The following MAML3 variants were observed in gnomAD, a reference collection of about 807,000 sequenced individuals.
The protein encoded by MAML3 is mastermind-like protein 3.
In MAML3, 27 loss-of-function variants were observed where a neutral mutation model predicts 101.9. That is an observed-to-expected ratio of 0.27 (90% CI 0.20 to 0.37). MAML3 has a LOEUF of 0.37. Ranked by LOEUF, MAML3 falls within the 10% of genes least tolerant of loss-of-function variation. The pLI, the probability that MAML3 is intolerant of heterozygous loss-of-function variation, is 1.00. For missense variants in MAML3, 1,316 were observed against 1,444.9 expected (o/e 0.91, Z 1.45); for synonymous variants, 501 against 555.9 (o/e 0.90, Z 1.39).
intron 1 of MAML3, among the ~76,000 whole-genome samples, chr4:139,928,770 C>T (rs532458793): frequency 6.6e-6 from 1 of 152,228 alleles, no homozygotes; most frequent in African/African-American, 2.4e-5. Flanking sequence ...GTGGCCTTGT[C>T]TGGTGGGCCG....
intron 1 of MAML3, among the ~76,000 whole-genome samples, chr4:140,000,859 C>T (rs764908665): frequency 6.6e-6 from 1 of 152,098 alleles, no homozygotes; most frequent in Non-Finnish European, 1.5e-5. Flanking sequence ...GAAACCCCAT[C>T]TCTACTAAAA....
At position 139,831,059 on chromosome 4, in the gene MAML3, G is replaced by C. The variant is rs571509432; in HGVS notation, c.2079+58298C>G. Among the ~76,000 whole-genome samples the C allele has an allele frequency of 9.4e-4, 143 of 152,200 alleles. 1 individual carries two copies. The highest frequency in any genetic ancestry group is 3.4e-3 in the Middle Eastern group (1 of 294). ...ATGAGACATTTTCTCTCCCAAATTTGTATCAATGACACAATCATGGCCACC... is the reference window on the plus strand; with the variant it reads ...ATGAGACATTTTCTCTCCCAAATTTCTATCAATGACACAATCATGGCCACC... On this transcript the variant is annotated intron_variant, in intron 2 of 4. Coordinates refer to ENST00000509479, the MANE Select transcript of MAML3 (RefSeq NM_018717.5).
chr4:140,014,648 G>A (rs762645621), intron 1 of MAML3, among the ~76,000 whole-genome samples: 2 of 152,210 alleles, frequency 1.3e-5, no homozygotes, highest in Admixed American at 6.5e-5. Context: ...GCTGGGTGAC[G>A]TGGTAGGTTA....
intron 1 of MAML3, among the ~76,000 whole-genome samples, chr4:140,049,661 A>G (rs1364651637): frequency 2.8e-5 from 4 of 140,392 alleles, no homozygotes; most frequent in Non-Finnish European, 4.7e-5. Context: ...TAAATCATAC[A>G]TGTTGCCTTC....
intron 4 of MAML3, among the ~76,000 whole-genome samples, chr4:139,720,595 T>C (rs1022369198): frequency 2.0e-5 from 3 of 152,266 alleles, no homozygotes; most frequent in Non-Finnish European, 4.4e-5. Context: ...TTTATTTGTA[T>C]ATAAATAGAC....
At position 139,965,190 on chromosome 4, in the gene MAML3, C is replaced by G. The variant is rs796785951; in HGVS notation, c.469-74223G>C. ...GAGTGTTTTTATAAACCCAAAATAA[C>G]TCCCTGCTAGTTTTTTTTTTTTTTT... On this transcript the variant is annotated intron_variant, in intron 1 of 4. Coordinates refer to ENST00000509479, the MANE Select transcript of MAML3 (RefSeq NM_018717.5). 1.2e-3 allele frequency among the ~76,000 whole-genome samples: 172 copies of G among 148,112 alleles called. No homozygotes were observed. The Middle Eastern group carries it at 0.014, about 12-fold the overall frequency.
In MAML3 at chr4:140,032,000, G is replaced by A. The variant is rs186487670; in HGVS notation, c.468+120860C>T. ...TGTCTGCCTTGGCTGACTGGCCAAC[G>A]GTCTTAATAAATAGCAACCACTAAA... On this transcript the variant is annotated intron_variant, in intron 1 of 4. Coordinates refer to ENST00000509479, the MANE Select transcript of MAML3 (RefSeq NM_018717.5). Among the ~76,000 whole-genome samples the A allele has an allele frequency of 1.4e-4, 22 of 152,214 alleles. No individual in the cohort carries two copies. In the East Asian group the frequency reaches 3.7e-3, roughly 25 times the overall value.
At chr4:139,955,818 T>C (rs967032601) in intron 1 of MAML3, among the ~76,000 whole-genome samples, 5 of 152,112 alleles carry the variant, frequency 3.3e-5, no homozygotes, top group Non-Finnish European at 7.4e-5. Context: ...CTGCTGTGAG[T>C]TCTCTGTATT....
At chr4:140,061,719 G>A (rs918160462) in intron 1 of MAML3, among the ~76,000 whole-genome samples, 3 of 152,128 alleles carry the variant, frequency 2.0e-5, no homozygotes, top group South Asian at 2.1e-4. Flanking sequence ...TCTCAGAAGC[G>A]GTCACCTTAG....
intron 1 of MAML3, among the ~76,000 whole-genome samples, chr4:139,936,806 T>C (rs940162266): frequency 6.6e-6 from 1 of 152,156 alleles, no homozygotes; most frequent in Non-Finnish European, 1.5e-5. Flanking sequence ...CAAAGCCACT[T>C]AAATAGCGTT....
intron 2 of MAML3, among the ~76,000 whole-genome samples, chr4:139,776,181 T>G (rs1240102492): frequency 2.0e-5 from 3 of 152,250 alleles, no homozygotes; most frequent in Admixed American, 2.0e-4. Context: ...TGATGTCAAT[T>G]GCTGTTAATT....
chr4:139,719,511 G>C lies in MAML3; in HGVS notation c.3229C>G (p.Pro1077Ala). 6 of 1,613,934 alleles carry C rather than the reference G, an allele frequency of 3.7e-6. No individual in the cohort carries two copies. The highest frequency in any genetic ancestry group is 5.1e-6 in the Non-Finnish European group (6 of 1,179,858). ...QQQIPSGSFA[P>A]SSQSQAYERN... is the part of the protein sequence containing the mutation. ...TCATAGGCTTGGCTCTGGCTGCTTG[G>C]AGCAAAGCTGCCACTGGGTATCTGC... The change falls in exon 5 of 5, where the codon CCA becomes GCA. Residue 1077 changes from proline to alanine, a missense_variant. Transcript: ENST00000509479.
chr4:139,926,529 G>C (rs1733262397), intron 1 of MAML3, among the ~76,000 whole-genome samples: 1 of 152,330 alleles, frequency 6.6e-6, no homozygotes, highest in African/African-American at 2.4e-5. Flanking sequence ...CAACCTGGGA[G>C]GCGGAGCTTG....
intron 1 of MAML3, among the ~76,000 whole-genome samples, chr4:140,039,375 T>A (rs948313667): frequency 1.3e-5 from 2 of 152,210 alleles, no homozygotes; most frequent in East Asian, 3.9e-4. Context: ...ACAGGCCCAC[T>A]AACTCCCACA....
In MAML3 at chr4:140,152,802, CCCACCA is replaced by C. The variant is rs1232240400; in HGVS notation, c.468+52_468+57del. 4 of 1,563,452 alleles carry C rather than the reference CCCACCA, an allele frequency of 2.6e-6. No homozygotes were observed. The African/African-American group carries it at 4.1e-5, about 16-fold the overall frequency. ...CCCATGTAAGAAGCTCCACGCGCCCCCCACCACCACCACCACCCCCAACGCGCGCCG... is the reference window on the plus strand; with the variant it reads ...CCCATGTAAGAAGCTCCACGCGCCCCCCACCACCACCCCCAACGCGCGCCG... On this transcript the variant is annotated intron_variant, in intron 1 of 4. Transcript: ENST00000509479.
chr4:140,144,044 G>A (rs960094895), intron 1 of MAML3, among the ~76,000 whole-genome samples: 2 of 152,094 alleles, frequency 1.3e-5, no homozygotes, highest in African/African-American at 2.4e-5. Context: ...TTAAAGCAGG[G>A]CCCCTCACCA....
chr4:139,732,625 T>C (rs1282375862), intron 2 of MAML3, among the ~76,000 whole-genome samples: 2 of 151,506 alleles, frequency 1.3e-5, no homozygotes, highest in Non-Finnish European at 2.9e-5. Context: ...TTTTAAAAAA[T>C]GTAACTTAAA....
chr4:140,148,901 G>A (rs1729107899), intron 1 of MAML3, among the ~76,000 whole-genome samples: 1 of 152,168 alleles, frequency 6.6e-6, no homozygotes. Flanking sequence ...TATAAATTAA[G>A]CACACTCTGA....
At chr4:139,787,270 T>C (rs1437223373) in intron 2 of MAML3, among the ~76,000 whole-genome samples, 2 of 151,346 alleles carry the variant, frequency 1.3e-5, no homozygotes, top group East Asian at 1.9e-4. Flanking sequence ...GGTCCCCTCC[T>C]GGAACAGGGA....
Sources: gnomAD v4.1 joint callset for allele counts (sites outside exome capture counted in the v4.1 genomes callset) on GRCh38, gnomAD v4.1.1 for gene constraint, MANE v1.5 for transcripts, NCBI Gene and HGNC (gene_info 2026-07-23, HGNC 2026-07-21) for gene names.